MAEA: variants seen among roughly 807,000 people sequenced by gnomAD.
MAEA encodes macrophage erythroblast attacher, E3 ubiquitin ligase.
A neutral mutation model predicts 46.2 loss-of-function variants in MAEA; 22 were observed. The observed-to-expected ratio is 0.48, with a 90% CI of 0.34 to 0.68. The LOEUF (loss-of-function observed/expected upper bound fraction) is 0.68. Ranked by LOEUF, MAEA falls within the 30% of genes least tolerant of loss-of-function variation. The pLI is 0.01. For synonymous variants in MAEA, 246 were observed against 222.6 expected (o/e 1.11, Z -0.94); for missense variants, 393 against 558.1 (o/e 0.70, Z 2.98).
At chr4:1,319,975 CT>C (rs1318552265) in intron 3 of MAEA, among the ~76,000 whole-genome samples, 2 of 147,972 alleles carry the variant, frequency 1.4e-5, no homozygotes, top group African/African-American at 5.1e-5. Context: ...TATGAAGGGG[CT>C]TCAGAAAAGA....
At position 1,315,388 on chromosome 4, in the gene MAEA, G is replaced by A; in HGVS notation, c.253-9G>A. 2 of 1,613,642 alleles carry A rather than the reference G, an allele frequency of 1.2e-6. No homozygotes were observed. Among genetic ancestry groups the A allele is most frequent in the Non-Finnish European group, 1.7e-6 (2 of 1,179,828 alleles). On this transcript the variant is annotated splice_polypyrimidine_tract_variant and intron_variant, in intron 2 of 8. Coordinates refer to ENST00000303400, the MANE Select transcript of MAEA (RefSeq NM_001017405.3). ...TGTCCTGAACGTGCCTCTGTTGTGT[G>A]TGGCTCAGGCGGTGGAATCCATCCA... is the stretch of plus-strand genomic sequence containing the variant.
rs934173001 is a variant in MAEA at position 1,312,587 on chromosome 4, G to A, written c.252+426G>A. The A allele has an allele frequency of 5.0e-5, 9 of 180,542 alleles. No individual in the cohort carries two copies. In the East Asian group the frequency reaches 5.1e-4, roughly 10 times the overall value. 11.2% of individuals were successfully genotyped at this position (180,542 alleles called of 1,614,324 possible). ...TGGGACTACAGGCGCCCACCACCAC[G>A]CCCGTCTAATTTTTGTATTGTTAGT... is the stretch of plus-strand genomic sequence containing the variant. On this transcript the variant is annotated intron_variant, in intron 2 of 8. Coordinates refer to ENST00000303400, the MANE Select transcript of MAEA (RefSeq NM_001017405.3).
At position 1,318,135 on chromosome 4, in the gene MAEA, G is replaced by A. The variant is rs954178630; in HGVS notation, c.456+2535G>A. 1.7e-4 allele frequency among the ~76,000 whole-genome samples: 25 copies of A among 149,148 alleles called. No individual in the cohort carries two copies. In the East Asian group the frequency reaches 3.7e-3, roughly 22 times the overall value. On this transcript the variant is annotated intron_variant, in intron 3 of 8. Transcript: ENST00000303400. ...GGCTTCCCCCAATGCACAGGCCCTC[G>A]CTCCGTGCTGCCCACATGTCCTGGC...
chr4:1,322,285 G>A, intron 3 of MAEA, 96 bp from the exon 4 acceptor site: 1 of 1,543,070 alleles, frequency 6.5e-7, no homozygotes, highest in Non-Finnish European at 8.8e-7. Context: ...GTGGTGGCCG[G>A]TGCTGGGCCT....
intron 1 of MAEA, among the ~76,000 whole-genome samples, chr4:1,295,789 G>A (rs1423488488): frequency 2.6e-4 from 6 of 22,788 alleles, no homozygotes; most frequent in East Asian, 2.7e-3. Flanking sequence ...CCGCGCCTGT[G>A]CCCCCCTCCC....
At chr4:1,337,974 T>G (rs1289432247) in intron 7 of MAEA, 3 of 177,596 alleles carry the variant, frequency 1.7e-5, no homozygotes, top group Non-Finnish European at 2.4e-5. Context: ...TTGCTGCTGG[T>G]ACCTGGCTGT....
At chr4:1,294,807 CCGGGGG>C (rs1734471537) in intron 1 of MAEA, among the ~76,000 whole-genome samples, 1 of 47,428 alleles carries the variant, frequency 2.1e-5, no homozygotes, top group Non-Finnish European at 4.4e-5. Flanking sequence ...GGGGGTGGGG[CCGGGGG>C]CAGGGGCAGG....
intron 1 of MAEA, among the ~76,000 whole-genome samples, chr4:1,297,314 AG>A (rs1218760654): frequency 6.6e-6 from 1 of 152,194 alleles, no homozygotes; most frequent in East Asian, 1.9e-4. Context: ...GAGGAGGGTA[AG>A]GGGGAATCAG....
intron 1 of MAEA, chr4:1,310,098 C>T (rs906522120): frequency 2.3e-6 from 2 of 880,336 alleles, no homozygotes; most frequent in Non-Finnish European, 1.4e-6. Flanking sequence ...TCTTGTGAGG[C>T]GCCTGCACAG....
At chr4:1,336,638 G>A (rs539356150) in intron 6 of MAEA, among the ~76,000 whole-genome samples, 4 of 152,144 alleles carry the variant, frequency 2.6e-5, no homozygotes, top group African/African-American at 4.8e-5. Context: ...CACTCATCCC[G>A]CAGCATGTTG....
intron 1 of MAEA, among the ~76,000 whole-genome samples, chr4:1,296,873 A>G (rs1734785550): frequency 1.3e-5 from 2 of 151,698 alleles, no homozygotes; most frequent in South Asian, 4.2e-4. Flanking sequence ...CCCTCGCTGC[A>G]TGTCCTCACT....
chr4:1,326,483 C>G (rs938850885), intron 4 of MAEA, among the ~76,000 whole-genome samples: 1 of 152,304 alleles, frequency 6.6e-6, no homozygotes, highest in Middle Eastern at 3.4e-3. Flanking sequence ...GTTGCCGCTG[C>G]CCCCACCCCA....
rs73796072 is a variant in MAEA, at chr4:1,300,647, A to G, written c.69+10665A>G. ...CGTGTGTGCCGCTGCCGCAGGTCGC[A>G]TACCCTTTCCAAGACGGACCAGTGG... On this transcript the variant is annotated intron_variant, in intron 1 of 8. Coordinates refer to ENST00000303400, the MANE Select transcript of MAEA (RefSeq NM_001017405.3). 3.2e-3 allele frequency among the ~76,000 whole-genome samples: 489 copies of G among 152,362 alleles called. 6 individuals carry two copies. Among genetic ancestry groups the G allele is most frequent in the African/African-American group, 0.011 (475 of 41,590 alleles).
At chr4:1,336,595 C>A in intron 6 of MAEA, among the ~76,000 whole-genome samples, 1 of 152,016 alleles carries the variant, frequency 6.6e-6, no homozygotes, top group East Asian at 1.9e-4. Context: ...TCAGCACTGA[C>A]CCTGTAGCAT....
At chr4:1,313,375 CAG>C (rs1203434291) in intron 2 of MAEA, among the ~76,000 whole-genome samples, 1 of 152,092 alleles carries the variant, frequency 6.6e-6, no homozygotes, top group Admixed American at 6.5e-5. Context: ...AGGCAGTAGA[CAG>C]AGGGCTGCAC....
In MAEA at chr4:1,311,590, T is replaced by A. The variant is rs1336618161; in HGVS notation, c.70-389T>A. 1.1e-4 allele frequency among the ~76,000 whole-genome samples: 17 copies of A among 152,136 alleles called. No homozygotes were observed. The highest frequency in any genetic ancestry group is 1.1e-3 in the Admixed American group (17 of 15,272). On this transcript the variant is annotated intron_variant, in intron 1 of 8. Coordinates refer to ENST00000303400, the MANE Select transcript of MAEA (RefSeq NM_001017405.3). The surrounding 1 kb of genome is among the most constrained non-coding windows in gnomAD (Gnocchi z 4.4). Reference sequence around the variant, plus strand: ...CGGCCTGGCCTCGTGTGGTGGCGCCTGCAGCCGCAGCAGCCTGGCTGATCA... The same window carrying A: ...CGGCCTGGCCTCGTGTGGTGGCGCCAGCAGCCGCAGCAGCCTGGCTGATCA...
rs773262476 is a variant in MAEA, at chr4:1,289,897, G to A, written c.-17G>A. ...GCTCGCGCGTCCCCCGCCCGCTAAT[G>A]TTTTGGCCGCTTCAAGATGGCGGTG... On this transcript the variant is annotated 5_prime_UTR_variant, in exon 1 of 9. It removes an upstream start codon present in the reference 5' UTR. Transcript: ENST00000303400. The A allele has an allele frequency of 6.3e-7, 1 of 1,591,294 alleles. No individual in the cohort carries two copies. Among genetic ancestry groups the A allele is most frequent in the South Asian group, 1.1e-5 (1 of 88,084 alleles).
Position 1,339,258 on chromosome 4 carries a change from G to A in MAEA, c.*89G>A, listed in dbSNP as rs1713216804. The A allele has an allele frequency of 2.0e-5, 19 of 931,240 alleles. No individual in the cohort carries two copies. Among genetic ancestry groups the A allele is most frequent in the East Asian group, 1.2e-4 (5 of 41,278 alleles). The allele number at this position is 931,240 out of a possible 1,614,324, so 57.7% of individuals were successfully genotyped here. A position where few individuals can be genotyped will look rare whatever the true frequency, so the allele number is the denominator to read the frequency against. On this transcript the variant is annotated 3_prime_UTR_variant, in exon 9 of 9. Transcript: ENST00000303400. ...CTCCTGTCCCACGCTCCAGCCTGCC[G>A]CGGCGTTTCTGTTTCTTGCGACCAA...
intron 1 of MAEA, among the ~76,000 whole-genome samples, chr4:1,308,736 T>C (rs955397647): frequency 6.6e-6 from 1 of 152,238 alleles, no homozygotes; most frequent in Non-Finnish European, 1.5e-5. Context: ...GTCTAAGTCC[T>C]TCACCCATTT....
Sources: allele counts gnomAD v4.1 joint callset (sites outside exome capture counted in the v4.1 genomes callset), GRCh38; gene constraint gnomAD v4.1.1; non-coding constraint Gnocchi (gnomAD v3.1); transcripts MANE v1.5; gene names NCBI Gene and HGNC (gene_info 2026-07-23, HGNC 2026-07-21).